The following PDXDC1 variants were observed in gnomAD, a reference collection of about 807,000 sequenced individuals.
PDXDC1 encodes pyridoxal dependent decarboxylase domain containing 1, also known as pyridoxal-dependent decarboxylase domain-containing protein 1.
In PDXDC1, 42 loss-of-function variants were observed where a neutral mutation model predicts 100.1. The observed-to-expected ratio is 0.42, with a 90% confidence interval of 0.33 to 0.54. PDXDC1 has a LOEUF of 0.54. Among genes scored for constraint, PDXDC1 ranks in the 20% least tolerant of loss-of-function variants. The pLI is 0.10. For synonymous variants in PDXDC1, 260 were observed against 371.7 expected, an observed-to-expected ratio of 0.70 and a Z score of 3.46; for missense variants, 636 against 979.2, an observed-to-expected ratio of 0.65 and a Z score of 4.68.
Position 15,033,403 on chromosome 16 carries a change from C to T in PDXDC1, c.1812+4C>T, listed in dbSNP as rs375234600. 1.5e-4 allele frequency: 239 copies of T among 1,613,810 alleles called. 1 individual carries two copies. The African/African-American group carries it at 1.6e-3, about 11-fold the overall frequency. On this transcript the variant is annotated splice_donor_region_variant and intron_variant, in intron 19 of 22. Coordinates refer to ENST00000396410, the MANE Select transcript of PDXDC1 (RefSeq NM_015027.4). ...GGAGATAGAGGAGAACTCGAGGGTC[C>T]GTAGCACCCATCAGTGTTCATTCCT...
At chr16:15,093,250 C>A (rs149635646) in intron 16 of PDXDC1, among the ~76,000 whole-genome samples, 325 of 152,298 alleles carry the variant, frequency 2.1e-3, no homozygotes, top group African/African-American at 7.6e-3. Context: ...ATGATCCGCC[C>A]GCCTCGGCCT....
At chr16:15,009,223 A>T (rs1024226242) in intron 7 of PDXDC1, 343 of 365,894 alleles carry the variant, frequency 9.4e-4, no homozygotes, top group Non-Finnish European at 1.4e-3. Context: ...CATGGAATTG[A>T]GTTCTGCTTA....
chr16:15,132,862 G>A, intron 16 of PDXDC1: 13 of 1,588,642 alleles, frequency 8.2e-6, no homozygotes, highest in Non-Finnish European at 1.1e-5. Flanking sequence ...CCACGTCCAG[G>A]GCCCGCTCGT....
chr16:15,040,341 G>A, downstream of PDXDC1: 2 of 385,032 alleles, frequency 5.2e-6, no homozygotes, highest in Non-Finnish European at 9.2e-6. Flanking sequence ...CCTTCAGTCG[G>A]ACATGTAGCA....
At chr16:15,010,842 G>A (rs1277843725) in intron 8 of PDXDC1, among the ~76,000 whole-genome samples, 11 of 152,268 alleles carry the variant, frequency 7.2e-5, no homozygotes, top group Non-Finnish European at 1.2e-4. Flanking sequence ...ATTTATAATA[G>A]GATCAAAAAA....
intron 13 of PDXDC1, 55 bp downstream of exon 13, chr16:15,022,809 A>G: frequency 7.4e-7 from 1 of 1,344,760 alleles, no homozygotes; most frequent in Non-Finnish European, 1.0e-6. Context: ...GAACCTCAGC[A>G]ACTTTGAATG....
rs762053718 is a variant in PDXDC1 at position 15,036,217 on chromosome 16, G to A, written c.2309G>A (p.Gly770Glu). The A allele has an allele frequency of 1.7e-5, 27 of 1,613,934 alleles. No homozygotes were observed. The highest frequency in any genetic ancestry group is 2.1e-5 in the Non-Finnish European group (25 of 1,179,968). ...GACCAGACCGAGGCCTTCCAGAAAGGGGTCCCACACCCAGAAGATGACCAC... is the reference window on the plus strand; with the variant it reads ...GACCAGACCGAGGCCTTCCAGAAAGAGGTCCCACACCCAGAAGATGACCAC... Reference protein sequence around the residue: ...HTDQTEAFQKGVPHPEDDHSQ... With the variant: ...HTDQTEAFQKEVPHPEDDHSQ... The change falls in exon 23 of 23, where the codon GGG becomes GAG. Residue 770 changes from glycine to glutamate, a missense_variant. This residue lies in a region of PDXDC1 where 452 missense variants were observed against 402.9 expected (regional missense o/e 1.12). Coordinates refer to ENST00000396410, the MANE Select transcript of PDXDC1 (RefSeq NM_015027.4).
rs200442659 is a variant in PDXDC1, at chr16:15,130,002, C to T, written c.1400-8877C>T. 1.5e-3 allele frequency: 1,326 copies of T among 912,240 alleles called. 1 individual carries two copies. The highest frequency in any genetic ancestry group is 2.1e-3 in the Non-Finnish European group (1,168 of 563,768). The allele number at this position is 912,240 out of a possible 1,614,324, so 56.5% of individuals were successfully genotyped here. On this transcript the variant is annotated intron_variant, in intron 16 of 16. Transcript: ENST00000535621. ...AACTGGTCCAGCTTGTGCAGGATGG[C>T]GGCCATGACCATGTAGGTCACCAGG...
At chr16:15,098,952 GC>G (rs1567241410) in intron 16 of PDXDC1, among the ~76,000 whole-genome samples, 2 of 152,144 alleles carry the variant, frequency 1.3e-5, no homozygotes, top group African/African-American at 4.8e-5. Context: ...CATCTCTCTA[GC>G]CAGTGTCGAT....
chr16:15,014,251 C>G (rs1257630139), intron 8 of PDXDC1, among the ~76,000 whole-genome samples: 1 of 151,936 alleles, frequency 6.6e-6, no homozygotes, highest in Non-Finnish European at 1.5e-5. Flanking sequence ...CATAAATATT[C>G]ACTTTATTGC....
chr16:15,042,506 G>A (rs1039124312), downstream of PDXDC1, among the ~76,000 whole-genome samples: 1 of 151,984 alleles, frequency 6.6e-6, no homozygotes, highest in African/African-American at 2.4e-5. Context: ...TTTATATCCT[G>A]ATTTGCTTGT....
At position 15,131,262 on chromosome 16, in the gene PDXDC1, C is replaced by T. The variant is rs1484004910; in HGVS notation, c.1400-7617C>T. ...TGGGCACCTTCACGGTGATGGCGCG[C>T]TCTGAGGCCAGCCGCTCGATGGGGA... is the stretch of plus-strand genomic sequence containing the variant. On this transcript the variant is annotated intron_variant, in intron 16 of 16. Coordinates refer to the PDXDC1 transcript ENST00000535621. 1.9e-6 allele frequency: 3 copies of T among 1,589,428 alleles called. No homozygotes were observed. In the African/African-American group the frequency reaches 4.0e-5, roughly 21 times the overall value.
At chr16:15,124,227 C>T (rs1212190488) in intron 16 of PDXDC1, among the ~76,000 whole-genome samples, 1 of 152,168 alleles carries the variant, frequency 6.6e-6, no homozygotes, top group African/African-American at 2.4e-5. Flanking sequence ...GTGACCAGGA[C>T]AGACCCCCAC....
chr16:15,000,195 C>G (rs1972844309), intron 3 of PDXDC1, among the ~76,000 whole-genome samples: 1 of 152,414 alleles, frequency 6.6e-6, no homozygotes, highest in Non-Finnish European at 1.5e-5. Context: ...AGGGGAGATA[C>G]TCCCAGCAGC....
the PDXDC1 span, among the ~76,000 whole-genome samples, chr16:15,146,864 A>G: frequency 1.3e-5 from 2 of 151,922 alleles, no homozygotes; most frequent in Non-Finnish European, 2.9e-5. Context: ...TCACTGCTAC[A>G]CTGCCCTGCA....
chr16:15,059,058 T>C (rs1435476614), intron 16 of PDXDC1, among the ~76,000 whole-genome samples: 1 of 152,212 alleles, frequency 6.6e-6, no homozygotes, highest in East Asian at 1.9e-4. Context: ...ACAAGAAAAG[T>C]ATGCAGTTGT....
At chr16:15,050,523 A>C (rs2044253454) in intron 16 of PDXDC1, among the ~76,000 whole-genome samples, 1 of 152,160 alleles carries the variant, frequency 6.6e-6, no homozygotes, top group Admixed American at 6.5e-5. Flanking sequence ...GCTTGAGCCT[A>C]AGAGTTCAAA....
intron 16 of PDXDC1, chr16:15,083,590 T>G: frequency 6.3e-7 from 1 of 1,595,492 alleles, no homozygotes; most frequent in South Asian, 1.1e-5. Context: ...GTCCTATTTT[T>G]AAAAAATTAA....
rs1221650484 is a variant in PDXDC1, at chr16:14,984,497, T to TATATATA, written c.21+9277_21+9278insATATATA. ...TATACATATATATATATATATATATTTTTTTTTTTTTTTTTTCTGAGACGG... is the reference window on the plus strand; with the variant it reads ...TATACATATATATATATATATATATTATATATATTTTTTTTTTTTTTTTCTGAGACGG... On this transcript the variant is annotated intron_variant, in intron 1 of 22. Transcript: ENST00000396410. 1.1e-4 allele frequency among the ~76,000 whole-genome samples: 4 copies of TATATATA among 36,984 alleles called. No individual in the cohort carries two copies. The South Asian group carries it at 3.2e-3, about 30-fold the overall frequency. 24.3% of individuals were successfully genotyped at this position (36,984 alleles called of 152,430 possible). A position where few individuals can be genotyped will look rare whatever the true frequency, so the allele number is the denominator to read the frequency against.
Sources: allele counts gnomAD v4.1 joint callset (sites outside exome capture counted in the v4.1 genomes callset), GRCh38; gene constraint gnomAD v4.1.1; regional missense constraint gnomAD v4.1.1; transcripts MANE v1.5; gene names NCBI Gene and HGNC (gene_info 2026-07-23, HGNC 2026-07-21).